NCALD: variants seen among roughly 807,000 people sequenced by gnomAD.
NCALD encodes the protein neurocalcin delta.
NCALD carries 10 observed loss-of-function variants against 18.6 expected under a neutral mutation model. The observed-to-expected ratio is 0.54, with a 90% CI of 0.33 to 0.91. NCALD has a LOEUF of 0.91. Among genes scored for constraint, NCALD ranks in the 40% least tolerant of loss-of-function variants. The probability of loss-of-function intolerance (pLI) is 0.03; values close to 1 mark genes in which losing one functional copy is unlikely to be tolerated. For missense variants in NCALD, 184 were observed against 247.6 expected, an observed-to-expected ratio of 0.74 and a Z score of 1.72; for synonymous variants, 88 against 87.4, an observed-to-expected ratio of 1.01 and a Z score of -0.04.
At chr8:102,004,569 C>G (rs1444735867) in intron 2 of NCALD, among the ~76,000 whole-genome samples, 1 of 151,998 alleles carries the variant, frequency 6.6e-6, no homozygotes. Context: ...CCCGCATCGC[C>G]AAGTCAATCC....
chr8:102,025,707 C>T (rs1822430512), intron 1 of NCALD, among the ~76,000 whole-genome samples: 1 of 152,166 alleles, frequency 6.6e-6, no homozygotes, highest in African/African-American at 2.4e-5. Context: ...GGGCAAAAAT[C>T]ATGTTATATC....
intron 2 of NCALD, among the ~76,000 whole-genome samples, chr8:101,950,975 C>T (rs907615442): frequency 2.6e-5 from 4 of 152,168 alleles, no homozygotes; most frequent in Admixed American, 2.0e-4. Flanking sequence ...ATTATAGCAG[C>T]ATTCCACTTC....
chr8:101,702,510 G>A (rs904063904), intron 2 of NCALD, among the ~76,000 whole-genome samples: 1 of 152,106 alleles, frequency 6.6e-6, no homozygotes, highest in African/African-American at 2.4e-5. Context: ...AATTACAGGT[G>A]TGAGCCACCA....
chr8:101,735,924 CT>C lies in NCALD; in HGVS notation c.-19-16277del, dbSNP rs529579509. Among the ~76,000 whole-genome samples, 24 of 152,328 alleles carry C rather than the reference CT, an allele frequency of 1.6e-4. No homozygotes were observed. In the East Asian group the frequency reaches 4.2e-3, roughly 27 times the overall value. On this transcript the variant is annotated intron_variant, in intron 1 of 3. Coordinates refer to ENST00000220931, the MANE Select transcript of NCALD (RefSeq NM_032041.3). ...ATCCAATCCTGTTCAAACATCAGGC[CT>C]CTTGTAATAAAAAGTTTGACTCAAT...
intron 1 of NCALD, among the ~76,000 whole-genome samples, chr8:102,030,051 A>T (rs913122158): frequency 6.6e-6 from 1 of 152,230 alleles, no homozygotes; most frequent in Non-Finnish European, 1.5e-5. Context: ...TTAATATCAG[A>T]TCTTTCCGGA....
At chr8:102,077,881 GC>G (rs908955377) in intron 1 of NCALD, among the ~76,000 whole-genome samples, 42 of 152,216 alleles carry the variant, frequency 2.8e-4, no homozygotes, top group African/African-American at 9.6e-4. Context: ...TTAGCTCCAG[GC>G]CTCCTCTGCT....
chr8:102,021,322 T>C (rs1822265805), intron 1 of NCALD, among the ~76,000 whole-genome samples: 1 of 152,200 alleles, frequency 6.6e-6, no homozygotes, highest in Non-Finnish European at 1.5e-5. Flanking sequence ...CTTCCTACCA[T>C]ATTTCATTAA....
chr8:101,857,967 G>A (rs1815386761), intron 4 of NCALD, among the ~76,000 whole-genome samples: 1 of 152,170 alleles, frequency 6.6e-6, no homozygotes, highest in Non-Finnish European at 1.5e-5. Context: ...TAGCAAGGAT[G>A]CAGAGTAATG....
At chr8:102,015,921 G>T (rs1475363971) in intron 2 of NCALD, among the ~76,000 whole-genome samples, 1 of 152,174 alleles carries the variant, frequency 6.6e-6, no homozygotes, top group Non-Finnish European at 1.5e-5. Context: ...CCAGGGTTCT[G>T]CAATGAACAC....
At chr8:101,819,568 C>T (rs760992428) in intron 4 of NCALD, among the ~76,000 whole-genome samples, 69 of 152,142 alleles carry the variant, frequency 4.5e-4, no homozygotes, top group Non-Finnish European at 8.5e-4. Context: ...ACTATATAAG[C>T]GCTACATTGC....
intron 1 of NCALD, among the ~76,000 whole-genome samples, chr8:102,065,010 C>CAAAAAAAA: frequency 1.1e-5 from 1 of 87,554 alleles, no homozygotes; most frequent in Admixed American, 1.5e-4. Context: ...CTCACTTTGG[C>CAAAAAAAA]AAAAAAAAAA....
intron 1 of NCALD, among the ~76,000 whole-genome samples, chr8:102,048,634 G>A (rs183821197): frequency 5.7e-4 from 87 of 152,304 alleles, no homozygotes; most frequent in East Asian, 1.3e-3. Flanking sequence ...GAATTGCTGT[G>A]TATACATGAC....
intron 1 of NCALD, among the ~76,000 whole-genome samples, chr8:101,752,728 A>T (rs1810712649): frequency 1.3e-5 from 2 of 152,366 alleles, no homozygotes; most frequent in South Asian, 4.1e-4. Context: ...CGGATAAATA[A>T]GGTACAGCCC....
chr8:101,746,518 G>A (rs1810430970), intron 1 of NCALD, among the ~76,000 whole-genome samples: 1 of 152,098 alleles, frequency 6.6e-6, no homozygotes, highest in African/African-American at 2.4e-5. Context: ...GGAAACACAA[G>A]AACACATTCA....
At position 102,017,625 on chromosome 8, in the gene NCALD, G is replaced by A. The variant is rs377147392; in HGVS notation, c.-157+2612C>T. ...CAGGAGAATTGCTTGAATCTGGGAG[G>A]CGGAGGTTGCAGTGAGCCAAGATAG... is the stretch of plus-strand genomic sequence containing the variant. On this transcript the variant is annotated intron_variant, in intron 2 of 6. Transcript: ENST00000311028. Among the ~76,000 whole-genome samples the A allele has an allele frequency of 2.2e-3, 332 of 152,260 alleles. 1 individual carries two copies. The highest frequency in any genetic ancestry group is 7.7e-3 in the African/African-American group (321 of 41,542).
intron 1 of NCALD, among the ~76,000 whole-genome samples, chr8:101,773,832 A>C (rs112179985): frequency 0.019 from 2,823 of 152,244 alleles, 50 homozygotes; most frequent in African/African-American, 0.037. Flanking sequence ...GTGCTTTCTC[A>C]GAGTGAAGAG....
intron 1 of NCALD, among the ~76,000 whole-genome samples, chr8:102,091,314 A>T (rs1228772312): frequency 6.6e-6 from 1 of 152,232 alleles, no homozygotes; most frequent in African/African-American, 2.4e-5. Context: ...GGAGAGAGAA[A>T]AAAAGAAAAA....
chr8:101,858,447 T>A (rs1815407635), intron 4 of NCALD, among the ~76,000 whole-genome samples: 1 of 152,132 alleles, frequency 6.6e-6, no homozygotes, highest in African/African-American at 2.4e-5. Context: ...TCCAACACAC[T>A]CTTCTCTACC....
intron 2 of NCALD, among the ~76,000 whole-genome samples, chr8:101,992,148 C>T (rs1013594732): frequency 2.6e-5 from 4 of 152,176 alleles, no homozygotes; most frequent in African/African-American, 9.6e-5. Context: ...GCTGACATAT[C>T]CTTCCCTGAA....
Sources: allele counts gnomAD v4.1 joint callset (sites outside exome capture counted in the v4.1 genomes callset), GRCh38; gene constraint gnomAD v4.1.1; transcripts MANE v1.5; gene names NCBI Gene and HGNC (gene_info 2026-07-23, HGNC 2026-07-21).